Variants in CREB3L3 observed in about 807,000 individuals in gnomAD.
CREB3L3 encodes cyclic AMP-responsive element-binding protein 3-like protein 3.
In CREB3L3, 40 loss-of-function variants were observed where a neutral mutation model predicts 44.6. The observed-to-expected ratio is 0.90, with a 90% CI of 0.70 to 1.17. The LOEUF is 1.17. CREB3L3 is among the 50% of genes most tolerant of loss of function. The probability of loss-of-function intolerance (pLI) is 0.00; values close to 1 mark genes in which losing one functional copy is unlikely to be tolerated. For missense variants in CREB3L3, 578 were observed against 595.8 expected (o/e 0.97, Z 0.31); for synonymous variants, 273 against 256.3 (o/e 1.06, Z -0.62).
chr19:4,153,842 G>T (rs912047192), intron 1 of CREB3L3, 68 bp downstream of exon 1: 1 of 1,565,054 alleles, frequency 6.4e-7, no homozygotes, highest in South Asian at 1.1e-5. Context: ...AGCTGCCAGA[G>T]CTGGAAGGAC....
At chr19:4,167,928 C>T (rs1184690589) in intron 5 of CREB3L3, among the ~76,000 whole-genome samples, 4 of 151,744 alleles carry the variant, frequency 2.6e-5, no homozygotes, top group Admixed American at 2.0e-4. Context: ...TGGGGACTGT[C>T]GCACCATCCC....
chr19:4,154,787 G>A (rs1223217487), intron 1 of CREB3L3, 112 bp from the exon 2 acceptor site: 6 of 1,528,872 alleles, frequency 3.9e-6, no homozygotes, highest in South Asian at 1.1e-5. Context: ...GCCCAACCCG[G>A]AGGCAGAGCG....
Position 4,170,166 on chromosome 19 carries a change from A to G in CREB3L3, c.848A>G (p.Gln283Arg). ...TRMSACTAQN[Q>R]ELQRKVLHLE... ...ATGTCAGCTTGCACTGCTCAGAATC[A>G]GGAGTTACAGAGGAAAGTCTTGCAT... The change falls in exon 7 of 10, where the codon CAG becomes CGG. Residue 283 changes from glutamine to arginine, a missense_variant. Transcript: ENST00000078445. The G allele has an allele frequency of 6.2e-7, 1 of 1,614,092 alleles. No homozygotes were observed. Among genetic ancestry groups the G allele is most frequent in the Non-Finnish European group, 8.5e-7 (1 of 1,179,980 alleles).
chr19:4,157,298 G>A lies in CREB3L3; in HGVS notation c.457+3G>A, dbSNP rs1599331755. On this transcript the variant is annotated splice_donor_region_variant and intron_variant, in intron 3 of 9. Transcript: ENST00000078445. ...AGCCTCTGTGACCATAGACCTGGGT[G>A]AGTCCTGCTGTGTCTCTGCCCACCG... The A allele has an allele frequency of 1.9e-6, 3 of 1,614,110 alleles. No homozygotes were observed. Among genetic ancestry groups the A allele is most frequent in the Non-Finnish European group, 2.5e-6 (3 of 1,180,008 alleles).
intron 6 of CREB3L3, 109 bp downstream of exon 6, chr19:4,168,566 A>T: frequency 1.2e-6 from 1 of 803,816 alleles, no homozygotes; most frequent in Non-Finnish European, 2.1e-6. Context: ...ATTGGAGGTG[A>T]TTCTCCTCTC....
intron 2 of CREB3L3, among the ~76,000 whole-genome samples, chr19:4,155,234 AGAG>A (rs2041556788): frequency 6.6e-6 from 1 of 152,232 alleles, no homozygotes; most frequent in African/African-American, 2.4e-5. Context: ...ATGGAGGCCC[AGAG>A]CAGGGTGGAA....
chr19:4,164,650 G>A lies in CREB3L3; in HGVS notation c.714+10G>A, dbSNP rs1202975517. ...GCTGCCCCTCACTAAGGTGAGTCTG[G>A]GGGGACTTCCAGCCCTGGATCCATC... On this transcript the variant is annotated intron_variant, in intron 5 of 9. Coordinates refer to ENST00000078445, the MANE Select transcript of CREB3L3 (RefSeq NM_032607.3). 1 of 1,613,764 alleles carries A rather than the reference G, an allele frequency of 6.2e-7. No homozygotes were observed. Among genetic ancestry groups the A allele is most frequent in the Non-Finnish European group, 8.5e-7 (1 of 1,179,972 alleles).
intron 5 of CREB3L3, among the ~76,000 whole-genome samples, chr19:4,167,973 T>TTATATTTATTTA (rs1555704041): frequency 9.0e-5 from 13 of 144,886 alleles, no homozygotes; most frequent in African/African-American, 3.3e-4. Flanking sequence ...ATTTTAATTA[T>TTATATTTATTTA]TTTATTTATT....
chr19:4,171,853 G>A lies in CREB3L3; in HGVS notation c.1270G>A (p.Val424Ile). 1 of 1,613,626 alleles carries A rather than the reference G, an allele frequency of 6.2e-7. No homozygotes were observed. The highest frequency in any genetic ancestry group is 8.5e-7 in the Non-Finnish European group (1 of 1,180,012). Reference sequence around the variant, plus strand: ...GGAGGAGCTGGACAACGCCACCCTGGTCCTGAGGAATGCAACAGAGGGGCT... The same window carrying A: ...GGAGGAGCTGGACAACGCCACCCTGATCCTGAGGAATGCAACAGAGGGGCT... Reference protein sequence around the residue: ...STEELDNATLVLRNATEGLGQ... With the variant: ...STEELDNATLILRNATEGLGQ... Residue 424 changes from valine to isoleucine, a missense_variant, in exon 10 of 10, where the codon GTC (valine) becomes ATC (isoleucine). Transcript: ENST00000078445. The surrounding 1 kb of genome is among the most constrained non-coding windows in gnomAD (Gnocchi z 4.9).
intron 7 of CREB3L3, 100 bp downstream of exon 7, chr19:4,170,308 G>A: frequency 8.2e-7 from 1 of 1,217,882 alleles, no homozygotes; most frequent in Middle Eastern, 1.9e-4. Flanking sequence ...ATGACATAGG[G>A]AATAAGAGTT....
chr19:4,170,108 T>G, intron 6 of CREB3L3, 32 bp from the exon 7 acceptor site: 2 of 1,611,256 alleles, frequency 1.2e-6, no homozygotes, highest in Non-Finnish European at 1.7e-6. Flanking sequence ...GACTGGCATA[T>G]GCTGAATGTC....
intron 5 of CREB3L3, among the ~76,000 whole-genome samples, chr19:4,167,802 G>A (rs1424607615): frequency 1.3e-5 from 2 of 151,784 alleles, no homozygotes; most frequent in Non-Finnish European, 2.9e-5. Flanking sequence ...TGGGCAAAGG[G>A]TAGCTTCAAG....
chr19:4,171,093 C>T lies in CREB3L3; in HGVS notation c.893C>T (p.Ser298Phe). Residue 298 changes from serine (S) to phenylalanine (F), a missense_variant and splice_region_variant, in exon 8 of 10, where the codon TCC becomes TTC. Physicochemically the swap from Ser to Phe is radical, Grantham distance 155. Transcript: ENST00000078445. The surrounding 1 kb of genome is among the most constrained non-coding windows in gnomAD (Gnocchi z 4.9). Reference protein sequence around the residue: ...KVLHLEKQNLSLLEQLKKLQA... With the variant: ...KVLHLEKQNLFLLEQLKKLQA... ...GGAGGCCTGCCTGTCTCTCTAAGGT[C>T]CCTCTTGGAGCAACTGAAGAAACTC... 6.2e-7 allele frequency: 1 copy of T among 1,613,654 alleles called. No individual in the cohort carries two copies. Among genetic ancestry groups the T allele is most frequent in the Non-Finnish European group, 8.5e-7 (1 of 1,179,562 alleles).
At chr19:4,161,240 G>A (rs1171601874) in intron 4 of CREB3L3, among the ~76,000 whole-genome samples, 1 of 151,956 alleles carries the variant, frequency 6.6e-6, no homozygotes, top group East Asian at 1.9e-4. Flanking sequence ...GGGATTACAG[G>A]CGTGAGCCAC....
At chr19:4,158,862 C>T (rs913130916) in intron 3 of CREB3L3, among the ~76,000 whole-genome samples, 8 of 151,510 alleles carry the variant, frequency 5.3e-5, no homozygotes, top group Non-Finnish European at 8.8e-5. Flanking sequence ...CAAGGTCACA[C>T]AGCCCTGCCC....
At position 4,153,764 on chromosome 19, in the gene CREB3L3, C is replaced by CTGCTGG. The variant is rs2041538706; in HGVS notation, c.18_23dup (p.Ala7_Gly8dup). 6.2e-7 allele frequency: 1 copy of CTGCTGG among 1,613,982 alleles called. No individual in the cohort carries two copies. Among genetic ancestry groups the CTGCTGG allele is most frequent in the South Asian group, 1.1e-5 (1 of 91,070 alleles). On this transcript the variant is annotated inframe_insertion, in exon 1 of 10. Coordinates refer to ENST00000078445, the MANE Select transcript of CREB3L3 (RefSeq NM_032607.3). ...GATGGACCCATGAATACGGATTTAG[C>CTGCTGG]TGCTGGAAAGGTGAGCCCTACTAGG...
intron 3 of CREB3L3, 113 bp downstream of exon 3, chr19:4,157,408 A>G: frequency 8.2e-7 from 1 of 1,214,718 alleles, no homozygotes; most frequent in Non-Finnish European, 1.2e-6. Context: ...GTCACACAGC[A>G]ATTTGGAGCT....
At chr19:4,162,365 T>G (rs1242051855) in intron 4 of CREB3L3, among the ~76,000 whole-genome samples, 1 of 151,972 alleles carries the variant, frequency 6.6e-6, no homozygotes, top group East Asian at 1.9e-4. Flanking sequence ...CTCAAATTCC[T>G]AAGCTCAAGT....
rs1018700037 is a variant in CREB3L3, at chr19:4,171,662, C to A, written c.1079C>A (p.Ser360Tyr). 8 of 1,613,236 alleles carry A rather than the reference C, an allele frequency of 5.0e-6. No homozygotes were observed. In the Admixed American group the frequency reaches 1.3e-4, roughly 27 times the overall value. The change falls in exon 10 of 10, where the codon TCC becomes TAC. Residue 360 changes from serine (S) to tyrosine (Y), a missense_variant. By Grantham distance (144) the Ser-to-Tyr change is moderately radical. Coordinates refer to ENST00000078445, the MANE Select transcript of CREB3L3 (RefSeq NM_032607.3). This position sits in a 1 kb window ranked among gnomAD's most constrained non-coding sequence, Gnocchi z 4.9. ...GCCCCCCTTCCCCAATCAGTGTTCTCCAGAACTTTGCACAACGATGCTGCC... is the reference window on the plus strand; with the variant it reads ...GCCCCCCTTCCCCAATCAGTGTTCTACAGAACTTTGCACAACGATGCTGCC... ...PGDFAPVRVFSRTLHNDAASR... is the reference protein window; with the variant it reads ...PGDFAPVRVFYRTLHNDAASR...
Sources: allele counts gnomAD v4.1 joint callset (sites outside exome capture counted in the v4.1 genomes callset), GRCh38; gene constraint gnomAD v4.1.1; non-coding constraint Gnocchi (gnomAD v3.1); transcripts MANE v1.5; gene names NCBI Gene and HGNC (gene_info 2026-07-23, HGNC 2026-07-21).